Variants in NOL4L observed in about 807,000 individuals in gnomAD.
The protein encoded by NOL4L is nucleolar protein 4 like, also known as nucleolar protein 4-like.
Under a neutral mutation model 64.5 loss-of-function variants are expected in NOL4L, and 7 were observed. The ratio of observed to expected loss-of-function variants is 0.11; its 90% CI spans 0.06 to 0.20. The LOEUF is 0.20. NOL4L is among the 10% of genes least tolerant of loss of function. The probability of loss-of-function intolerance (pLI) is 1.00; values close to 1 mark genes in which losing one functional copy is unlikely to be tolerated. For synonymous variants in NOL4L, 413 were observed against 401.0 expected (o/e 1.03, Z -0.36); for missense variants, 680 against 967.1 (o/e 0.70, Z 3.94).
intron 5 of NOL4L, among the ~76,000 whole-genome samples, chr20:32,470,371 C>T (rs2014922846): frequency 6.6e-6 from 1 of 152,230 alleles, no homozygotes; most frequent in Non-Finnish European, 1.5e-5. Flanking sequence ...CCGTGCATGC[C>T]TTCGTTCATT....
chr20:32,584,429 C>T, intron 1 of NOL4L, 141 bp downstream of exon 1: 2 of 623,756 alleles, frequency 3.2e-6, no homozygotes, highest in Non-Finnish European at 4.6e-6. Context: ...AGCAGGGACG[C>T]GTGCGCCTCC....
chr20:32,444,825 T>C lies in NOL4L; in HGVS notation c.*2771A>G. 6.6e-6 allele frequency: 1 copy of C among 152,180 alleles called. No individual in the cohort carries two copies. Among genetic ancestry groups the C allele is most frequent in the Non-Finnish European group, 1.5e-5 (1 of 68,034 alleles). The allele number at this position is 152,180 out of a possible 1,614,324, so 9.4% of individuals were successfully genotyped here. ...TGGGACAAGGGCTTTGGGAGCTCCT[T>C]TTGGGAGAAGGCAGTCCCTCTGGTG... is the stretch of plus-strand genomic sequence containing the variant. On this transcript the variant is annotated 3_prime_UTR_variant, in exon 11 of 11. Transcript: ENST00000621426.
chr20:32,468,921 GA>G (rs921332767), intron 5 of NOL4L, among the ~76,000 whole-genome samples: 5 of 129,268 alleles, frequency 3.9e-5, no homozygotes, highest in African/African-American at 1.5e-4. Context: ...AAAAAAAAAA[GA>G]AAGAAAGAAA....
At chr20:32,532,430 AACAAAGGGATCCG>A in intron 1 of NOL4L, 1 of 957,158 alleles carries the variant, frequency 1.0e-6, no homozygotes, top group Non-Finnish European at 1.2e-6. Context: ...AGAAGACAGC[AACAAAGGGATCCG>A]ACAGTAGTCA....
At chr20:32,498,766 T>TAA (rs34083852) in intron 4 of NOL4L, among the ~76,000 whole-genome samples, 32,537 of 98,386 alleles carry the variant, frequency 0.33, 5,256 homozygotes, top group East Asian at 0.71. Context: ...CCTGTCTCAA[T>TAA]AAAAAAAAAA....
intron 4 of NOL4L, among the ~76,000 whole-genome samples, chr20:32,504,310 C>T (rs2017045983): frequency 1.3e-5 from 2 of 152,224 alleles, no homozygotes; most frequent in East Asian, 1.9e-4. Context: ...CCTGTAATCC[C>T]AGCACTTTGG....
chr20:32,493,471 A>T (rs915909266), intron 4 of NOL4L, among the ~76,000 whole-genome samples: 3 of 151,874 alleles, frequency 2.0e-5, no homozygotes, highest in African/African-American at 7.3e-5. Flanking sequence ...CTCTGTTTGC[A>T]CTCAGGCCCT....
At chr20:32,504,466 A>C (rs1374002802) in intron 4 of NOL4L, among the ~76,000 whole-genome samples, 1 of 151,220 alleles carries the variant, frequency 6.6e-6, no homozygotes, top group Non-Finnish European at 1.5e-5. Flanking sequence ...AGGCTGAGGC[A>C]GGAGAATGGT....
At chr20:32,478,637 C>T (rs1372804190) in intron 4 of NOL4L, among the ~76,000 whole-genome samples, 2 of 152,224 alleles carry the variant, frequency 1.3e-5, no homozygotes, top group Non-Finnish European at 2.9e-5. Flanking sequence ...CAGGATCTTA[C>T]TGTCACATAG....
intron 1 of NOL4L, among the ~76,000 whole-genome samples, chr20:32,536,698 C>T (rs1203688864): frequency 6.7e-6 from 1 of 149,792 alleles, no homozygotes; most frequent in East Asian, 2.0e-4. Flanking sequence ...AATCCCCTCT[C>T]CCCGGAGCTG....
intron 1 of NOL4L, among the ~76,000 whole-genome samples, chr20:32,583,621 G>C (rs1410771485): frequency 6.7e-6 from 1 of 150,036 alleles, no homozygotes. Flanking sequence ...AAAGTTCAAA[G>C]CTCAGCAGCG....
At chr20:32,584,170 C>CACACACACACACA (rs1980731726) in intron 1 of NOL4L, among the ~76,000 whole-genome samples, 1 of 145,604 alleles carries the variant, frequency 6.9e-6, no homozygotes, top group African/African-American at 2.6e-5. Flanking sequence ...CACACACACA[C>CACACACACACACA]CGCCCAGCCG....
chr20:32,556,974 G>C (rs1232375011), intron 1 of NOL4L, among the ~76,000 whole-genome samples: 2 of 152,216 alleles, frequency 1.3e-5, no homozygotes, highest in African/African-American at 2.4e-5. Flanking sequence ...GAAATCCTAG[G>C]AATCAGGTAG....
At chr20:32,465,693 G>T (rs1057065555) in intron 5 of NOL4L, among the ~76,000 whole-genome samples, 7 of 152,272 alleles carry the variant, frequency 4.6e-5, no homozygotes, top group African/African-American at 1.4e-4. Flanking sequence ...TGGCCCCAAA[G>T]CCCCTGCAGG....
rs1742982 is a variant in NOL4L, at chr20:32,463,002, T to A, written c.842-6607A>T. 6.6e-6 allele frequency among the ~76,000 whole-genome samples: 1 copy of A among 151,680 alleles called. No homozygotes were observed. The highest frequency in any genetic ancestry group is 1.5e-5 in the Non-Finnish European group (1 of 67,958). On this transcript the variant is annotated intron_variant, in intron 5 of 10. Transcript: ENST00000621426. The surrounding 1 kb of genome is among the most constrained non-coding windows in gnomAD (Gnocchi z 5.8). The stretch of plus-strand genomic sequence containing the variant: ...AGTGGGGCCCGGGCAGGGATGGTGC[T>A]GGTGTAGGGTCCTGCAGTCTGGGCG...
At chr20:32,555,647 G>A (rs2145608309) in intron 1 of NOL4L, among the ~76,000 whole-genome samples, 1 of 152,192 alleles carries the variant, frequency 6.6e-6, no homozygotes, top group East Asian at 1.9e-4. Context: ...TCCTTAGTGT[G>A]GGCCGCACTC....
intron 5 of NOL4L, among the ~76,000 whole-genome samples, chr20:32,459,174 T>C (rs1359171628): frequency 6.6e-6 from 1 of 152,048 alleles, no homozygotes; most frequent in Non-Finnish European, 1.5e-5. Flanking sequence ...TCCAAGCTGT[T>C]AGAAGAAACT....
At chr20:32,486,558 A>G in intron 4 of NOL4L, 1 of 370,082 alleles carries the variant, frequency 2.7e-6, no homozygotes, top group African/African-American at 2.1e-5. Context: ...GGACCTGGCC[A>G]TGGGACTCTG....
intron 1 of NOL4L, among the ~76,000 whole-genome samples, chr20:32,562,944 AGGGGAGGGAGGGTG>A (rs1979136390): frequency 8.9e-4 from 1 of 1,124 alleles, no homozygotes; most frequent in Non-Finnish European, 1.4e-3. Context: ...AGGAGGGTGG[AGGGGAGGGAGGGTG>A]GGGAGGGAGA....
Sources: gnomAD v4.1 joint callset for allele counts (sites outside exome capture counted in the v4.1 genomes callset) on GRCh38, gnomAD v4.1.1 for gene constraint, Gnocchi (gnomAD v3.1) non-coding constraint, MANE v1.5 for transcripts, NCBI Gene and HGNC (gene_info 2026-07-23, HGNC 2026-07-21) for gene names.